The following XDH variants were observed in gnomAD, a reference collection of about 807,000 sequenced individuals.
The protein encoded by XDH is xanthine dehydrogenase.
A neutral mutation model predicts 156.1 loss-of-function variants in XDH; 138 were observed. The ratio of observed to expected loss-of-function variants is 0.88; its 90% CI spans 0.77 to 1.02. XDH has a LOEUF of 1.02. Among genes scored for constraint, XDH ranks in the 50% least tolerant of loss-of-function variants. XDH has a pLI of 0.00. For missense variants in XDH, 1,849 were observed against 1,684.9 expected (o/e 1.10, Z -1.71); for synonymous variants, 669 against 625.7 (o/e 1.07, Z -1.03).
chr2:31,338,258 G>C (rs1331910225), intron 34 of XDH, among the ~76,000 whole-genome samples: 1 of 152,154 alleles, frequency 6.6e-6, no homozygotes, highest in Non-Finnish European at 1.5e-5. Context: ...AGGAATTATA[G>C]GCATAAGAAC....
At chr2:31,362,599 C>T (rs565890030) in intron 24 of XDH, among the ~76,000 whole-genome samples, 52 of 152,222 alleles carry the variant, frequency 3.4e-4, no homozygotes, top group Middle Eastern at 3.4e-3. Context: ...CGTCATAATT[C>T]CTAAAGTAAT....
intron 15 of XDH, among the ~76,000 whole-genome samples, chr2:31,374,246 C>T (rs929897871): frequency 6.6e-6 from 1 of 152,204 alleles, no homozygotes; most frequent in Non-Finnish European, 1.5e-5. Context: ...TTTATGCCTG[C>T]TGCTGTCTCT....
intron 12 of XDH, among the ~76,000 whole-genome samples, chr2:31,380,535 C>G (rs990260310): frequency 3.3e-5 from 5 of 152,216 alleles, no homozygotes; most frequent in African/African-American, 1.2e-4. Context: ...CCAAGAAAAC[C>G]TCTGTCGCTG....
At chr2:31,341,421 A>T in intron 32 of XDH, 27 bp from the exon 33 acceptor site, 1 of 1,557,520 alleles carries the variant, frequency 6.4e-7, no homozygotes, top group Non-Finnish European at 8.7e-7. Context: ...AATTACAAGA[A>T]GTTAGAGGAG....
At chr2:31,375,625 C>T (rs1055353123) in intron 14 of XDH, 71 bp from the exon 15 acceptor site, 4 of 1,539,584 alleles carry the variant, frequency 2.6e-6, no homozygotes, top group Non-Finnish European at 3.5e-6. Flanking sequence ...GAGCTGTGTG[C>T]CCAGGGCCTC....
At chr2:31,379,812 A>T (rs2148778903) in intron 13 of XDH, 55 bp downstream of exon 13, 1 of 1,541,396 alleles carries the variant, frequency 6.5e-7, no homozygotes, top group African/African-American at 1.4e-5. Context: ...CTTTGTCTAG[A>T]GCCTGGCAAT....
intron 1 of XDH, among the ~76,000 whole-genome samples, chr2:31,409,031 G>A (rs750988018): frequency 5.9e-5 from 9 of 152,190 alleles, no homozygotes; most frequent in Non-Finnish European, 1.3e-4. Flanking sequence ...AGTGAAATAA[G>A]TCAGGTACAG....
chr2:31,372,798 G>A (rs750249906), intron 16 of XDH, among the ~76,000 whole-genome samples: 1 of 151,860 alleles, frequency 6.6e-6, no homozygotes, highest in Non-Finnish European at 1.5e-5. Flanking sequence ...AATTATGTAG[G>A]AAAAGATAAT....
Position 31,397,710 on chromosome 2 carries a change from T to C in XDH, c.453A>G (p.Thr151=). 6.2e-7 allele frequency: 1 copy of C among 1,614,166 alleles called. No homozygotes were observed. Residue 151 remains threonine, a synonymous_variant, in exon 6 of 36, where the codon ACA becomes ACG. Transcript: ENST00000379416. ...AGCCCTGGAGGATGGGTCTGTAGCC[T>C]GTGCAGCGGCACAGATTTCCTGTGG... ...NAFQGNLCRC[T]GYRPILQGFR...
At chr2:31,389,391 G>A (rs115739108) in intron 6 of XDH, among the ~76,000 whole-genome samples, 1 of 152,254 alleles carries the variant, frequency 6.6e-6, no homozygotes, top group Admixed American at 6.5e-5. Flanking sequence ...TGCATTCACA[G>A]CTCCAGCACT....
intron 1 of XDH, among the ~76,000 whole-genome samples, chr2:31,409,917 G>T (rs1350940692): frequency 3.9e-5 from 6 of 152,046 alleles, no homozygotes; most frequent in Admixed American, 3.9e-4. Flanking sequence ...TTGAAGTCAG[G>T]GTCTCAGATA....
chr2:31,349,642 A>G (rs1685404759), intron 26 of XDH, 44 bp downstream of exon 26: 3 of 1,613,690 alleles, frequency 1.9e-6, no homozygotes, highest in Non-Finnish European at 2.5e-6. Context: ...GCTGTAGGAT[A>G]TGAAACCCAG....
At chr2:31,391,883 A>G (rs1572559394) in intron 6 of XDH, among the ~76,000 whole-genome samples, 1 of 152,194 alleles carries the variant, frequency 6.6e-6, no homozygotes, top group African/African-American at 2.4e-5. Context: ...TGGAGAATTG[A>G]CATAATTTCT....
At chr2:31,394,601 C>A (rs2148000568) in intron 6 of XDH, among the ~76,000 whole-genome samples, 1 of 152,280 alleles carries the variant, frequency 6.6e-6, no homozygotes, top group South Asian at 2.1e-4. Flanking sequence ...AATTCTCAGT[C>A]ATTTTTGTTT....
chr2:31,365,491 G>T lies in XDH; in HGVS notation c.2510C>A (p.Thr837Asn). The T allele has an allele frequency of 6.2e-7, 1 of 1,614,192 alleles. No individual in the cohort carries two copies. The highest frequency in any genetic ancestry group is 8.5e-7 in the Non-Finnish European group (1 of 1,180,042). ...MLDRDEDMLITGGRHPFLARY... is the reference protein window; with the variant it reads ...MLDRDEDMLINGGRHPFLARY... ...GGCCAGGAAGGGATGTCTGCCACCA[G>T]TTATCAGCATGTCCTCATCACGGTC... The change falls in exon 23 of 36, where the codon ACT becomes AAT. Residue 837 changes from threonine (T) to asparagine (N), a missense_variant. Thr to Asn is a moderately conservative substitution (Grantham distance 65). Coordinates refer to ENST00000379416, the MANE Select transcript of XDH (RefSeq NM_000379.4).
chr2:31,339,048 T>C (rs924011529), intron 34 of XDH, among the ~76,000 whole-genome samples: 3 of 152,008 alleles, frequency 2.0e-5, no homozygotes, highest in South Asian at 2.1e-4. Context: ...AGGTCGAGTA[T>C]TGGCAACTGA....
At chr2:31,390,783 C>T (rs1451548644) in intron 6 of XDH, among the ~76,000 whole-genome samples, 1 of 152,220 alleles carries the variant, frequency 6.6e-6, no homozygotes, top group Non-Finnish European at 1.5e-5. Context: ...TATATGCTTA[C>T]TGGCCATCCA....
intron 2 of XDH, among the ~76,000 whole-genome samples, chr2:31,405,486 T>C (rs1687168860): frequency 6.6e-6 from 1 of 152,070 alleles, no homozygotes; most frequent in African/African-American, 2.4e-5. Flanking sequence ...CTTTTCCCAA[T>C]AGACACATGT....
At chr2:31,361,558 A>C (rs1685776690) in intron 24 of XDH, among the ~76,000 whole-genome samples, 2 of 152,232 alleles carry the variant, frequency 1.3e-5, no homozygotes, top group Non-Finnish European at 2.9e-5. Context: ...AACAAAAAAC[A>C]GAAAAATCTA....
Sources: gnomAD v4.1 joint callset for allele counts (sites outside exome capture counted in the v4.1 genomes callset) on GRCh38, gnomAD v4.1.1 for gene constraint, MANE v1.5 for transcripts, NCBI Gene and HGNC (gene_info 2026-07-23, HGNC 2026-07-21) for gene names.